ARID5B: variants seen among roughly 807,000 people sequenced by gnomAD.
ARID5B encodes the protein AT-rich interactive domain-containing protein 5B.
A neutral mutation model predicts 97.2 loss-of-function variants in ARID5B; 13 were observed. That is an observed-to-expected ratio of 0.13 (90% confidence interval 0.09 to 0.21). The LOEUF is 0.21. Ranked by LOEUF, ARID5B falls within the 10% of genes least tolerant of loss-of-function variation. The pLI, the probability that ARID5B is intolerant of heterozygous loss-of-function variation, is 1.00. For synonymous variants in ARID5B, 556 were observed against 570.3 expected, an observed-to-expected ratio of 0.97 and a Z score of 0.36; for missense variants, 1,210 against 1,465.3, an observed-to-expected ratio of 0.83 and a Z score of 2.84.
chr10:62,093,011 A>AC lies in ARID5B; in HGVS notation c.3552dup (p.Ser1185GlnfsTer39). 1 of 1,609,296 alleles carries AC rather than the reference A, an allele frequency of 6.2e-7. No homozygotes were observed. The highest frequency in any genetic ancestry group is 8.5e-7 in the Non-Finnish European group (1 of 1,178,876). On this transcript the variant is annotated frameshift_variant, in exon 10 of 10. Transcript: ENST00000279873. LOFTEE classifies it high-confidence loss of function. ...CCATCTTCCCAGCTGTCATCCGTGC[A>AC]CCCCAGTACAAAACTGTAGGCTCAG...
At chr10:62,059,490 C>A (rs182544535) in intron 7 of ARID5B, among the ~76,000 whole-genome samples, 195 bp downstream of exon 7, 1 of 152,056 alleles carries the variant, frequency 6.6e-6, no homozygotes, top group Non-Finnish European at 1.5e-5. Flanking sequence ...GTAAACTTGT[C>A]GTAAAAACTA....
intron 4 of ARID5B, among the ~76,000 whole-genome samples, chr10:62,001,391 G>T (rs1206928525): frequency 2.0e-5 from 3 of 152,176 alleles, no homozygotes; most frequent in African/African-American, 7.2e-5. Flanking sequence ...CCTTAGCCTG[G>T]AGAGAGCATA....
intron 4 of ARID5B, among the ~76,000 whole-genome samples, chr10:62,033,881 T>C (rs113827037): frequency 0.015 from 2,270 of 152,300 alleles, 69 homozygotes; most frequent in African/African-American, 0.052. Context: ...CGAGGTCATA[T>C]AGTTGCCTTA....
chr10:61,989,948 G>A (rs1428011386), intron 3 of ARID5B, among the ~76,000 whole-genome samples: 1 of 152,198 alleles, frequency 6.6e-6, no homozygotes, highest in Non-Finnish European at 1.5e-5. Flanking sequence ...TGGAGGATGG[G>A]TGAAGAAGGA....
chr10:61,921,049 T>C (rs1844006017), intron 2 of ARID5B, among the ~76,000 whole-genome samples: 1 of 152,162 alleles, frequency 6.6e-6, no homozygotes, highest in African/African-American at 2.4e-5. Flanking sequence ...TCGTCAACTC[T>C]GCAGAAAATT....
chr10:62,014,706 G>A (rs752021372), intron 4 of ARID5B, among the ~76,000 whole-genome samples: 5 of 152,000 alleles, frequency 3.3e-5, no homozygotes, highest in African/African-American at 4.8e-5. Flanking sequence ...ATGTCGGACC[G>A]GTTTTTGCAC....
At chr10:61,981,186 A>T (rs4600156) in intron 3 of ARID5B, among the ~76,000 whole-genome samples, 4 of 152,162 alleles carry the variant, frequency 2.6e-5, no homozygotes, top group African/African-American at 9.7e-5. Flanking sequence ...AAGGGCTTAG[A>T]GCTTGCCTGT....
At chr10:62,002,287 C>A (rs1022206253) in intron 4 of ARID5B, among the ~76,000 whole-genome samples, 1 of 152,178 alleles carries the variant, frequency 6.6e-6, no homozygotes, top group Non-Finnish European at 1.5e-5. Context: ...AATGTTCTCA[C>A]AAAAACAAGC....
At chr10:62,056,680 CCA>C (rs1839860567) in intron 5 of ARID5B, among the ~76,000 whole-genome samples, 1 of 152,102 alleles carries the variant, frequency 6.6e-6, no homozygotes. Flanking sequence ...AATGTTTCTA[CCA>C]GATGCAAAGG....
chr10:62,004,943 G>T (rs1015515080), intron 4 of ARID5B, among the ~76,000 whole-genome samples: 5 of 152,182 alleles, frequency 3.3e-5, no homozygotes, highest in South Asian at 2.1e-4. Flanking sequence ...CAAGGTGTGT[G>T]GTACTAAATG....
At chr10:62,041,272 G>A (rs1479649006) in intron 4 of ARID5B, among the ~76,000 whole-genome samples, 1 of 152,088 alleles carries the variant, frequency 6.6e-6, no homozygotes, top group Non-Finnish European at 1.5e-5. Context: ...TCTTGGCTCC[G>A]GTACCTGCAC....
chr10:62,069,863 G>A (rs909509139), intron 8 of ARID5B, 66 bp downstream of exon 8: 10 of 1,505,730 alleles, frequency 6.6e-6, no homozygotes, highest in Non-Finnish European at 9.2e-6. Flanking sequence ...TTCTGGTCAA[G>A]GATAAGACAG....
chr10:61,991,140 G>A, intron 3 of ARID5B, among the ~76,000 whole-genome samples: 1 of 151,694 alleles, frequency 6.6e-6, no homozygotes, highest in East Asian at 1.9e-4. Flanking sequence ...GCTATTTTGT[G>A]ATAATGCTAC....
chr10:62,023,388 T>C lies in ARID5B; in HGVS notation c.733+23067T>C, dbSNP rs914277488. ...AAGTATTGTTATCTTGAGAGCTCCA[T>C]GTATTTGCATGTATGACACAGAATC... On this transcript the variant is annotated intron_variant, in intron 4 of 9. Transcript: ENST00000279873. Among the ~76,000 whole-genome samples the C allele has an allele frequency of 6.6e-5, 10 of 152,330 alleles. No homozygotes were observed. In the East Asian group the frequency reaches 1.7e-3, roughly 26 times the overall value.
At chr10:61,970,112 C>G (rs1335044578) in intron 3 of ARID5B, among the ~76,000 whole-genome samples, 3 of 152,186 alleles carry the variant, frequency 2.0e-5, no homozygotes, top group Non-Finnish European at 4.4e-5. Flanking sequence ...TATTGAAATA[C>G]TTGAAAACAT....
chr10:61,988,235 G>C (rs1838873146), intron 3 of ARID5B, among the ~76,000 whole-genome samples: 1 of 152,162 alleles, frequency 6.6e-6, no homozygotes, highest in Non-Finnish European at 1.5e-5. Context: ...ATCTCTTTCA[G>C]CTGTTAAATT....
intron 4 of ARID5B, among the ~76,000 whole-genome samples, chr10:62,042,162 C>A (rs1202744430): frequency 6.6e-6 from 1 of 151,972 alleles, no homozygotes; most frequent in Non-Finnish European, 1.5e-5. Flanking sequence ...TAGAACCATA[C>A]CAAGAAAGAC....
At chr10:62,072,219 G>A (rs995747838) in intron 8 of ARID5B, among the ~76,000 whole-genome samples, 16 of 152,198 alleles carry the variant, frequency 1.1e-4, no homozygotes, top group African/African-American at 3.9e-4. Flanking sequence ...CTGAGGAGGC[G>A]GTGCTCCCTG....
In ARID5B at chr10:62,094,300, G is replaced by C. The variant is rs535861646; in HGVS notation, c.*1270G>C. ...AGCTGCAGTCCTGATAGCTTCTCTA[G>C]CCTCGGTCTTTTGAGTGATAAGTAG... On this transcript the variant is annotated 3_prime_UTR_variant, in exon 10 of 10. Transcript: ENST00000279873. 1.2e-4 allele frequency: 27 copies of C among 231,436 alleles called. No individual in the cohort carries two copies. In the South Asian group the frequency reaches 4.5e-3, roughly 39 times the overall value. The allele number at this position is 231,436 out of a possible 1,614,324, so 14.3% of individuals were successfully genotyped here.
Sources: gnomAD v4.1 joint callset for allele counts (sites outside exome capture counted in the v4.1 genomes callset) on GRCh38, gnomAD v4.1.1 for gene constraint, MANE v1.5 for transcripts, NCBI Gene and HGNC (gene_info 2026-07-23, HGNC 2026-07-21) for gene names.